Variants in GLIS3 observed in about 807,000 individuals in gnomAD.
The protein encoded by GLIS3 is GLIS family zinc finger 3, also known as zinc finger protein GLIS3.
Under a neutral mutation model 78.6 loss-of-function variants are expected in GLIS3, and 53 were observed. The observed-to-expected ratio is 0.67, with a 90% CI of 0.54 to 0.85. The LOEUF is 0.85. GLIS3 is among the 40% of genes least tolerant of loss of function. GLIS3 has a pLI of 0.00. For synonymous variants in GLIS3, 684 were observed against 509.9 expected (o/e 1.34, Z -4.60); for missense variants, 1,703 against 1,231.1 (o/e 1.38, Z -5.74).
intron 2 of GLIS3, among the ~76,000 whole-genome samples, chr9:4,282,247 G>A: frequency 6.6e-6 from 1 of 152,164 alleles, no homozygotes; most frequent in East Asian, 1.9e-4. Flanking sequence ...CAATGATACT[G>A]CTTTGGTTAA....
intron 4 of GLIS3, among the ~76,000 whole-genome samples, chr9:4,021,092 C>T (rs1201724809): frequency 2.0e-5 from 3 of 152,202 alleles, no homozygotes; most frequent in Non-Finnish European, 2.9e-5. Flanking sequence ...GTCTCTGAAA[C>T]TGTCACCTCA....
chr9:3,936,057 AT>A (rs1195040009), intron 5 of GLIS3, among the ~76,000 whole-genome samples: 1 of 152,256 alleles, frequency 6.6e-6, no homozygotes, highest in Non-Finnish European at 1.5e-5. Context: ...GTGTGTAGAA[AT>A]AACAGTATCT....
intron 10 of GLIS3, 70 bp downstream of exon 10, chr9:3,829,240 G>T: frequency 7.0e-7 from 1 of 1,434,268 alleles, no homozygotes; most frequent in Non-Finnish European, 9.8e-7. Context: ...GCCCAGGTCG[G>T]TCACGGGCAG....
At chr9:4,129,144 T>G in intron 2 of GLIS3, among the ~76,000 whole-genome samples, 1 of 152,202 alleles carries the variant, frequency 6.6e-6, no homozygotes, top group East Asian at 1.9e-4. Flanking sequence ...TCTAAGTGTT[T>G]TTCATAATGC....
intron 4 of GLIS3, among the ~76,000 whole-genome samples, chr9:4,114,294 G>T (rs200164667): frequency 6.6e-6 from 1 of 152,102 alleles, no homozygotes; most frequent in African/African-American, 2.4e-5. Context: ...CAGTACAAAC[G>T]TTCTCAGGGT....
intron 4 of GLIS3, among the ~76,000 whole-genome samples, chr9:3,970,966 G>A (rs1818331880): frequency 6.6e-6 from 1 of 151,936 alleles, no homozygotes; most frequent in Non-Finnish European, 1.5e-5. Context: ...GGAAAAGAGG[G>A]AGAAAGGGAT....
intron 2 of GLIS3, among the ~76,000 whole-genome samples, chr9:4,186,684 T>A (rs1037457038): frequency 6.6e-6 from 1 of 151,594 alleles, no homozygotes; most frequent in African/African-American, 2.4e-5. Context: ...TTTTAATGAT[T>A]GCCATTCTAA....
At chr9:3,843,596 T>C (rs1818854447) in intron 9 of GLIS3, among the ~76,000 whole-genome samples, 1 of 152,202 alleles carries the variant, frequency 6.6e-6, no homozygotes, top group Non-Finnish European at 1.5e-5. Flanking sequence ...TATTGGGCAA[T>C]TTCTGTATAC....
intron 4 of GLIS3, among the ~76,000 whole-genome samples, chr9:3,945,745 T>C (rs13289379): frequency 0.045 from 6,794 of 152,294 alleles, 181 homozygotes; most frequent in Non-Finnish European, 0.061. Flanking sequence ...CTCGGAAATA[T>C]ATTTTCAACT....
intron 2 of GLIS3, among the ~76,000 whole-genome samples, chr9:4,242,261 T>G (rs1823389078): frequency 6.6e-6 from 1 of 152,126 alleles, no homozygotes; most frequent in Admixed American, 6.5e-5. Context: ...GGCCGTCTTT[T>G]ATCTTCTAAT....
chr9:3,835,140 G>A (rs893788247), intron 9 of GLIS3, among the ~76,000 whole-genome samples: 11 of 152,168 alleles, frequency 7.2e-5, no homozygotes, highest in African/African-American at 2.4e-4. Flanking sequence ...GCAGCAGATG[G>A]CCTTGCAAAA....
chr9:4,382,715 A>T, the GLIS3 span, among the ~76,000 whole-genome samples: 254 of 152,300 alleles, frequency 1.7e-3, 3 homozygotes, highest in Non-Finnish European at 1.0e-3. Flanking sequence ...TATAGGGTCG[A>T]GACAGCATCT....
chr9:4,159,741 A>C (rs1835336130), intron 2 of GLIS3, among the ~76,000 whole-genome samples: 2 of 152,198 alleles, frequency 1.3e-5, no homozygotes, highest in South Asian at 4.2e-4. Flanking sequence ...AAAGAAAGAA[A>C]AGAAAAGAAA....
At chr9:3,975,660 C>G (rs1050710841) in intron 4 of GLIS3, among the ~76,000 whole-genome samples, 4 of 151,884 alleles carry the variant, frequency 2.6e-5, no homozygotes, top group African/African-American at 9.7e-5. Flanking sequence ...AGTAACATGC[C>G]TTAAGGTTTT....
At chr9:4,307,489 C>G (rs1338480404) in intron 4 of GLIS3, among the ~76,000 whole-genome samples, 3 of 152,112 alleles carry the variant, frequency 2.0e-5, no homozygotes, top group African/African-American at 7.2e-5. Context: ...TCCTCTTACT[C>G]TGTGAGGCTT....
chr9:4,241,923 A>G (rs1426622828), intron 2 of GLIS3, among the ~76,000 whole-genome samples: 1 of 152,184 alleles, frequency 6.6e-6, no homozygotes, highest in Non-Finnish European at 1.5e-5. Flanking sequence ...GCCTCAAATG[A>G]TCTGCTTGCC....
intron 4 of GLIS3, among the ~76,000 whole-genome samples, chr9:4,072,403 G>C (rs2130642839): frequency 6.6e-6 from 1 of 152,318 alleles, no homozygotes; most frequent in South Asian, 2.1e-4. Context: ...CATGTGGTGG[G>C]TGGGTACAGT....
At chr9:4,390,516 C>T in the GLIS3 span, among the ~76,000 whole-genome samples, 71 of 152,254 alleles carry the variant, frequency 4.7e-4, no homozygotes, top group African/African-American at 1.7e-3. Flanking sequence ...TGGGCACACA[C>T]CATCATGCCC....
intron 4 of GLIS3, among the ~76,000 whole-genome samples, chr9:3,998,414 A>G (rs1286647445): frequency 6.6e-6 from 1 of 152,110 alleles, no homozygotes; most frequent in Admixed American, 6.6e-5. Context: ...TCTTACCTTT[A>G]TATTTACACC....
Sources: allele counts gnomAD v4.1 joint callset (sites outside exome capture counted in the v4.1 genomes callset), GRCh38; gene constraint gnomAD v4.1.1; transcripts MANE v1.5; gene names NCBI Gene and HGNC (gene_info 2026-07-23, HGNC 2026-07-21).